The following ANO2 variants were observed in gnomAD, a reference collection of about 807,000 sequenced individuals.
ANO2 encodes anoctamin-2.
Under a neutral mutation model 124.2 loss-of-function variants are expected in ANO2, and 101 were observed. That is an observed-to-expected ratio of 0.81 (90% CI 0.69 to 0.96). ANO2 has a LOEUF of 0.96. Among genes scored for constraint, ANO2 ranks in the 40% least tolerant of loss-of-function variants. The probability of loss-of-function intolerance (pLI) is 0.00; values close to 1 mark genes in which losing one functional copy is unlikely to be tolerated. For synonymous variants in ANO2, 486 were observed against 482.5 expected (o/e 1.01, Z -0.09); for missense variants, 1,293 against 1,274.5 (o/e 1.01, Z -0.22).
chr12:5,916,491 TTAAAAAAAAA>T (rs1417662377), intron 3 of ANO2, among the ~76,000 whole-genome samples: 3 of 98,084 alleles, frequency 3.1e-5, no homozygotes, highest in Non-Finnish European at 6.0e-5. Context: ...TCGCAGCAGG[TTAAAAAAAAA>T]AAAAAAAAAA....
chr12:5,887,871 A>G (rs1215924923), intron 3 of ANO2, among the ~76,000 whole-genome samples: 2 of 145,978 alleles, frequency 1.4e-5, no homozygotes, highest in East Asian at 4.1e-4. Flanking sequence ...ATGAAGTTTT[A>G]TGAGAGAGAG....
rs79093535 is a variant in ANO2 at position 5,612,592 on chromosome 12, A to C, written c.2087+64T>G. The stretch of plus-strand genomic sequence containing the variant: ...GAAAGGCCATAGAAAACCTGCTGAA[A>C]GGCTGGCACTTCTGGGCTAACCCCT... On this transcript the variant is annotated intron_variant, in intron 19 of 24. Transcript: ENST00000682330. 5,900 of 1,383,274 alleles carry C rather than the reference A, an allele frequency of 4.3e-3. 158 individuals carry two copies. In the African/African-American group the frequency reaches 0.066, roughly 15 times the overall value. The allele number at this position is 1,383,274 out of a possible 1,614,324, so 85.7% of individuals were successfully genotyped here. A position where few individuals can be genotyped will look rare whatever the true frequency, so the allele number is the denominator to read the frequency against.
intron 4 of ANO2, among the ~76,000 whole-genome samples, chr12:5,835,704 T>C (rs191910588): frequency 1.3e-5 from 2 of 152,370 alleles, no homozygotes; most frequent in East Asian, 3.9e-4. Context: ...ATTTGTAAAA[T>C]GTGAGTTGTC....
chr12:5,599,326 T>C (rs555529060), intron 20 of ANO2, among the ~76,000 whole-genome samples, 158 bp downstream of exon 20: 2 of 152,272 alleles, frequency 1.3e-5, no homozygotes, highest in South Asian at 4.1e-4. Context: ...TTCTCAACTT[T>C]CATGTGGCAC....
At chr12:5,678,908 T>A (rs714327) in intron 14 of ANO2, among the ~76,000 whole-genome samples, 2 of 152,018 alleles carry the variant, frequency 1.3e-5, no homozygotes, top group Non-Finnish European at 1.5e-5. Context: ...ACATTTGAAC[T>A]GGTCAACTGT....
At chr12:5,905,576 C>T (rs1940619158) in intron 3 of ANO2, among the ~76,000 whole-genome samples, 1 of 152,130 alleles carries the variant, frequency 6.6e-6, no homozygotes, top group South Asian at 2.1e-4. Flanking sequence ...GATCCCACCA[C>T]CAGAGAAGCT....
intron 10 of ANO2, among the ~76,000 whole-genome samples, chr12:5,751,917 A>G (rs1347838639): frequency 6.6e-6 from 1 of 151,990 alleles, no homozygotes; most frequent in African/African-American, 2.4e-5. Context: ...CCACTATTCT[A>G]TTCTTTGGAT....
In ANO2 at chr12:5,663,099, C is replaced by T. The variant is rs569683080; in HGVS notation, c.1546-15298G>A. Among the ~76,000 whole-genome samples, 7 of 152,320 alleles carry T rather than the reference C, an allele frequency of 4.6e-5. No homozygotes were observed. In the South Asian group the frequency reaches 1.4e-3, roughly 32 times the overall value. On this transcript the variant is annotated intron_variant, in intron 14 of 24. Transcript: ENST00000682330. ...TCCTCCTTCCTGCGTGGCCTGCAGG[C>T]GAGGAGAGACCATGCCCCACACATG... is the stretch of plus-strand genomic sequence containing the variant.
chr12:5,604,740 TA>T (rs1203416522), intron 19 of ANO2, among the ~76,000 whole-genome samples: 2 of 151,644 alleles, frequency 1.3e-5, no homozygotes, highest in East Asian at 3.9e-4. Flanking sequence ...CAGTGACCAT[TA>T]AAAAAAATAA....
intron 14 of ANO2, among the ~76,000 whole-genome samples, chr12:5,681,511 G>A (rs1948489366): frequency 6.6e-6 from 1 of 152,204 alleles, no homozygotes. Context: ...GGGGCCAGGC[G>A]TGGAGGAGAC....
intron 14 of ANO2, among the ~76,000 whole-genome samples, chr12:5,663,507 ACTC>A (rs1383182929): frequency 6.6e-6 from 1 of 151,750 alleles, no homozygotes; most frequent in Non-Finnish European, 1.5e-5. Context: ...GACTGAATGA[ACTC>A]CACAAATCCA....
intron 3 of ANO2, among the ~76,000 whole-genome samples, chr12:5,878,929 T>C (rs1399266899): frequency 6.6e-6 from 1 of 152,168 alleles, no homozygotes; most frequent in Non-Finnish European, 1.5e-5. Context: ...TCAAGCAGAT[T>C]GCTAATCATG....
intron 20 of ANO2, among the ~76,000 whole-genome samples, chr12:5,589,245 A>G (rs1943275536): frequency 6.6e-6 from 1 of 151,772 alleles, no homozygotes. Flanking sequence ...TTCACGTTAC[A>G]CCTTCTCTTA....
intron 4 of ANO2, among the ~76,000 whole-genome samples, chr12:5,842,408 G>C (rs1005301988): frequency 3.3e-5 from 5 of 152,132 alleles, no homozygotes; most frequent in African/African-American, 1.2e-4. Context: ...GAGTCCTTTA[G>C]CAAAGGACGC....
At chr12:5,816,563 AG>A (rs1316232860) in intron 7 of ANO2, among the ~76,000 whole-genome samples, 3 of 152,172 alleles carry the variant, frequency 2.0e-5, no homozygotes, top group African/African-American at 7.2e-5. Flanking sequence ...AGCATCCCAA[AG>A]GTATTGGAAA....
intron 3 of ANO2, among the ~76,000 whole-genome samples, chr12:5,877,488 G>C (rs779195767): frequency 3.9e-5 from 6 of 152,206 alleles, no homozygotes; most frequent in African/African-American, 1.4e-4. Flanking sequence ...TTCATGAAGA[G>C]GCAGTGTGAT....
chr12:5,590,176 C>T (rs1353695146), intron 20 of ANO2, among the ~76,000 whole-genome samples: 1 of 152,182 alleles, frequency 6.6e-6, no homozygotes, highest in Non-Finnish European at 1.5e-5. Context: ...GAATGTGGCT[C>T]AACACAAATT....
chr12:5,666,748 C>T (rs1242242074), intron 14 of ANO2, among the ~76,000 whole-genome samples: 8 of 152,126 alleles, frequency 5.3e-5, no homozygotes, highest in South Asian at 2.1e-4. Flanking sequence ...AACCAAAGAG[C>T]GCCTTTGCAG....
intron 10 of ANO2, among the ~76,000 whole-genome samples, chr12:5,762,237 A>G (rs1280961971): frequency 6.6e-6 from 1 of 152,164 alleles, no homozygotes; most frequent in East Asian, 1.9e-4. Flanking sequence ...ATCGCTGAAC[A>G]TAAGGTTTAA....
Sources: gnomAD v4.1 joint callset for allele counts (sites outside exome capture counted in the v4.1 genomes callset) on GRCh38, gnomAD v4.1.1 for gene constraint, MANE v1.5 for transcripts, NCBI Gene and HGNC (gene_info 2026-07-23, HGNC 2026-07-21) for gene names.